Variants in TRPM8 observed in about 807,000 individuals in gnomAD.
TRPM8 encodes TRPM8 cationic channel.
Under a neutral mutation model 133.7 loss-of-function variants are expected in TRPM8, and 110 were observed. That is an observed-to-expected ratio of 0.82 (90% CI 0.70 to 0.96). The LOEUF (loss-of-function observed/expected upper bound fraction) is 0.96, where lower values mean the gene tolerates loss of function less well. Among genes scored for constraint, TRPM8 ranks in the 40% least tolerant of loss-of-function variants. The pLI, the probability that TRPM8 is intolerant of heterozygous loss-of-function variation, is 0.00. For synonymous variants in TRPM8, 535 were observed against 532.3 expected (o/e 1.01, Z -0.07); for missense variants, 1,291 against 1,379.5 (o/e 0.94, Z 1.02).
At chr2:233,940,246 C>T (rs754241918) in intron 5 of TRPM8, among the ~76,000 whole-genome samples, 43 of 150,974 alleles carry the variant, frequency 2.8e-4, no homozygotes, top group Non-Finnish European at 4.7e-4. Context: ...TAATATTGAC[C>T]GGTAGAACTA....
intron 17 of TRPM8, among the ~76,000 whole-genome samples, chr2:233,974,562 T>G (rs1691818897): frequency 6.6e-6 from 1 of 152,074 alleles, no homozygotes; most frequent in South Asian, 2.1e-4. Context: ...CTGTGGAAAT[T>G]TTTAACCTTG....
In TRPM8 at chr2:233,953,958, T is replaced by TA. The variant is rs1691231191; in HGVS notation, c.1186dup (p.Met396AsnfsTer7). On this transcript the variant is annotated frameshift_variant, in exon 10 of 26. Transcript: ENST00000324695. LOFTEE classifies it high-confidence loss of function. ...AATGTTCTCACCTATTAACAGTTAT[T>TA]AAAATGGAAGAAGCTGGGGATGAAA... The TA allele has an allele frequency of 2.5e-6, 4 of 1,613,898 alleles. No homozygotes were observed. The highest frequency in any genetic ancestry group is 3.4e-6 in the Non-Finnish European group (4 of 1,179,948).
intron 4 of TRPM8, among the ~76,000 whole-genome samples, chr2:233,938,070 C>T (rs775541147): frequency 3.9e-5 from 6 of 152,154 alleles, no homozygotes; most frequent in Non-Finnish European, 7.4e-5. Flanking sequence ...CCCATGGCAT[C>T]CCTGGGAGGT....
intron 25 of TRPM8, among the ~76,000 whole-genome samples, chr2:234,015,607 T>C (rs1692938942): frequency 2.0e-5 from 3 of 152,184 alleles, no homozygotes; most frequent in Non-Finnish European, 4.4e-5. Flanking sequence ...TTAGGTTCCT[T>C]TCAATCTTTC....
chr2:233,930,791 A>G lies in TRPM8; in HGVS notation c.191+50A>G, dbSNP rs199785554. On this transcript the variant is annotated intron_variant, in intron 3 of 25. Transcript: ENST00000324695. ...TTTGCTTTCCAAGTTCAAAAAAATTATCAGCCACCCTTACAACAAACAAAT... is the reference window on the plus strand; with the variant it reads ...TTTGCTTTCCAAGTTCAAAAAAATTGTCAGCCACCCTTACAACAAACAAAT... 2.5e-5 allele frequency: 32 copies of G among 1,288,376 alleles called. No homozygotes were observed. In the African/African-American group the frequency reaches 3.9e-4, roughly 16 times the overall value. The allele number at this position is 1,288,376 out of a possible 1,614,324, so 79.8% of individuals were successfully genotyped here. A position where few individuals can be genotyped will look rare whatever the true frequency, so the allele number is the denominator to read the frequency against.
intron 7 of TRPM8, among the ~76,000 whole-genome samples, chr2:233,946,795 C>A (rs148863835): frequency 2.8e-4 from 43 of 152,308 alleles, no homozygotes; most frequent in African/African-American, 9.6e-4. Flanking sequence ...TAAACTTAAA[C>A]CTAGTTTAAT....
chr2:233,930,734 A>C lies in TRPM8; in HGVS notation c.184A>C (p.Lys62Gln). 6.2e-7 allele frequency: 1 copy of C among 1,605,688 alleles called. No individual in the cohort carries two copies. ...RECVFFTKDS[K>Q]ATENVCKCGY... ...ATGTGTCTTCTTTACCAAAGATTCCAAGGCCACGTAAGCTACTATTTTCCC... is the reference window on the plus strand; with the variant it reads ...ATGTGTCTTCTTTACCAAAGATTCCCAGGCCACGTAAGCTACTATTTTCCC... Residue 62 changes from lysine (K) to glutamine (Q), a missense_variant, in exon 3 of 26, where the codon AAG becomes CAG. Coordinates refer to ENST00000324695, the MANE Select transcript of TRPM8 (RefSeq NM_024080.5).
At position 233,966,403 on chromosome 2, in the gene TRPM8, G is replaced by A. The variant is rs11563032; in HGVS notation, c.1880-207G>A. Among the ~76,000 whole-genome samples, 636 of 152,308 alleles carry A rather than the reference G, an allele frequency of 4.2e-3. 4 individuals are homozygous for A. Among genetic ancestry groups the A allele is most frequent in the African/African-American group, 0.014 (586 of 41,552 alleles). ...CAGTTATTGTCACCTGCTGCCATCAGGAGCTCTGCTGGGTTTGTCTTGCCT... is the reference window on the plus strand; with the variant it reads ...CAGTTATTGTCACCTGCTGCCATCAAGAGCTCTGCTGGGTTTGTCTTGCCT... On this transcript the variant is annotated intron_variant, in intron 14 of 25. Transcript: ENST00000324695.
chr2:233,939,554 G>GT (rs1690851934), intron 5 of TRPM8, among the ~76,000 whole-genome samples: 1 of 152,216 alleles, frequency 6.6e-6, no homozygotes. Flanking sequence ...ACTTTTGAAA[G>GT]TAGTGACAGT....
intron 10 of TRPM8, among the ~76,000 whole-genome samples, chr2:233,954,396 C>T (rs1691242153): frequency 6.6e-6 from 1 of 152,204 alleles, no homozygotes; most frequent in South Asian, 2.1e-4. Context: ...TGCACACATA[C>T]TTCACACCTA....
At chr2:233,956,471 C>A (rs373457396) in intron 11 of TRPM8, among the ~76,000 whole-genome samples, 1 of 152,176 alleles carries the variant, frequency 6.6e-6, no homozygotes, top group Non-Finnish European at 1.5e-5. Context: ...TTATTATAAA[C>A]CATCACACTC....
intron 7 of TRPM8, among the ~76,000 whole-genome samples, 195 bp from the exon 8 acceptor site, chr2:233,946,893 G>C (rs1041943508): frequency 1.3e-5 from 2 of 152,184 alleles, no homozygotes; most frequent in African/African-American, 2.4e-5. Context: ...CATGACCCAT[G>C]TCATGCTATT....
chr2:233,965,663 T>C (rs750339202), intron 14 of TRPM8, among the ~76,000 whole-genome samples: 10 of 152,248 alleles, frequency 6.6e-5, no homozygotes, highest in Middle Eastern at 3.4e-3. Flanking sequence ...TTGTCCATGT[T>C]GGAAAAAAGA....
intron 2 of TRPM8, among the ~76,000 whole-genome samples, chr2:233,927,536 C>T (rs1476469814): frequency 6.6e-6 from 1 of 152,068 alleles, no homozygotes; most frequent in Non-Finnish European, 1.5e-5. Context: ...CCAGTCACAC[C>T]TCAGTCCTGG....
intron 2 of TRPM8, 121 bp downstream of exon 2, chr2:233,926,775 C>G: frequency 2.7e-6 from 2 of 743,502 alleles, no homozygotes; most frequent in Non-Finnish European, 4.6e-6. Context: ...AAATTCCTTT[C>G]ACTACTTAAT....
chr2:233,942,708 TC>T lies in TRPM8; in HGVS notation c.660del (p.Ser221ProfsTer17). On this transcript the variant is annotated frameshift_variant, in exon 6 of 26. Coordinates refer to ENST00000324695, the MANE Select transcript of TRPM8 (RefSeq NM_024080.5). LOFTEE classifies it high-confidence loss of function. ...VAIGIAAWGM[V>X]SNRDTLIRNC... ...ATTGGCATAGCAGCTTGGGGCATGG[TC>T]TCCAACCGGGACACCCTCATCAGGA... is the stretch of plus-strand genomic sequence containing the variant. 6.2e-7 allele frequency: 1 copy of T among 1,614,092 alleles called. No individual in the cohort carries two copies. The highest frequency in any genetic ancestry group is 8.5e-7 in the Non-Finnish European group (1 of 1,180,020).
At chr2:234,005,322 C>T (rs1300445330) in intron 22 of TRPM8, among the ~76,000 whole-genome samples, 1 of 152,122 alleles carries the variant, frequency 6.6e-6, no homozygotes, top group Non-Finnish European at 1.5e-5. Context: ...AGTGAAAATG[C>T]GATGTCATCA....
intron 17 of TRPM8, among the ~76,000 whole-genome samples, chr2:233,973,352 G>A (rs925223770): frequency 2.0e-5 from 3 of 152,202 alleles, no homozygotes; most frequent in Admixed American, 6.5e-5. Context: ...CCCTCTGGAG[G>A]CTGTGCGGGA....
intron 2 of TRPM8, among the ~76,000 whole-genome samples, chr2:233,927,706 GTC>G (rs1352706961): frequency 1.5e-4 from 23 of 149,620 alleles, no homozygotes; most frequent in African/African-American, 4.7e-4. Context: ...GACAGAGTCT[GTC>G]TCTTTCTTTC....
Sources: gnomAD v4.1 joint callset for allele counts (sites outside exome capture counted in the v4.1 genomes callset) on GRCh38, gnomAD v4.1.1 for gene constraint, MANE v1.5 for transcripts, NCBI Gene and HGNC (gene_info 2026-07-23, HGNC 2026-07-21) for gene names.